ZNF563: variants seen among roughly 807,000 people sequenced by gnomAD.
The protein encoded by ZNF563 is zinc finger protein 563.
A neutral mutation model predicts 48.5 loss-of-function variants in ZNF563; 39 were observed. The ratio of observed to expected loss-of-function variants is 0.80; its 90% CI spans 0.62 to 1.05. The LOEUF (loss-of-function observed/expected upper bound fraction) is 1.05. Ranked by LOEUF, ZNF563 falls within the 50% of genes least tolerant of loss-of-function variation. ZNF563 has a pLI of 0.00. For missense variants in ZNF563, 538 were observed against 597.0 expected (o/e 0.90, Z 1.03); for synonymous variants, 168 against 187.9 (o/e 0.89, Z 0.87).
chr19:12,327,673 A>G (rs985473391), intron 1 of ZNF563, among the ~76,000 whole-genome samples: 2 of 152,144 alleles, frequency 1.3e-5, no homozygotes, highest in East Asian at 1.9e-4. Context: ...TACATAAAAA[A>G]CATTTTAAAC....
At chr19:12,337,441 G>C (rs1969032745), upstream of ZNF563, among the ~76,000 whole-genome samples, 1 of 152,232 alleles carries the variant, frequency 6.6e-6, no homozygotes, top group African/African-American at 2.4e-5. Context: ...AGACTCAGAT[G>C]ATCCACCCAC....
At chr19:12,344,610 T>C in the ZNF563 span, among the ~76,000 whole-genome samples, 1 of 152,246 alleles carries the variant, frequency 6.6e-6, no homozygotes, top group South Asian at 2.1e-4. Flanking sequence ...AACCTGTAGG[T>C]AACATGGTCA....
chr19:12,342,609 C>CA, the ZNF563 span, among the ~76,000 whole-genome samples: 1 of 150,238 alleles, frequency 6.7e-6, no homozygotes, highest in East Asian at 2.0e-4. Context: ...TCTATCGCTA[C>CA]AAAAAAAATT....
Position 12,319,592 on chromosome 19 carries a change from G to T in ZNF563, c.433C>A (p.Gln145Lys), listed in dbSNP as rs1968551043. ...TGGTAACTGAAGGCTTTCCCACGTT[G>T]TTTATGTGTATGTGGCTTCTCTCCA... ...EYGEKPHTHKQRGKAFSYHHS... is the reference protein window; with the variant it reads ...EYGEKPHTHKKRGKAFSYHHS... Residue 145 changes from glutamine (Q) to lysine (K), a missense_variant, in exon 4 of 4, where the codon CAA (glutamine) becomes AAA (lysine). Gln to Lys is a moderately conservative substitution (Grantham distance 53). Coordinates refer to ENST00000293725, the MANE Select transcript of ZNF563 (RefSeq NM_145276.3). The T allele has an allele frequency of 6.2e-7, 1 of 1,614,040 alleles. No individual in the cohort carries two copies. The highest frequency in any genetic ancestry group is 1.3e-5 in the African/African-American group (1 of 74,932).
intron 1 of ZNF563, among the ~76,000 whole-genome samples, chr19:12,326,639 CAAA>C (rs34093215): frequency 2.3e-5 from 3 of 130,868 alleles, no homozygotes. Context: ...GACTCTGTCT[CAAA>C]AAAAAAAAAA....
chr19:12,331,807 T>C lies in ZNF563; in HGVS notation c.3+1673A>G, dbSNP rs368809703. On this transcript the variant is annotated intron_variant, in intron 1 of 3. Transcript: ENST00000293725. Reference sequence around the variant, plus strand: ...CAAAGCCAGTACCAGGAAAAGATAGTGTGGGCTCAGGACTCATCAGCTGGT... The same window carrying C: ...CAAAGCCAGTACCAGGAAAAGATAGCGTGGGCTCAGGACTCATCAGCTGGT... Among the ~76,000 whole-genome samples, 118 of 152,286 alleles carry C rather than the reference T, an allele frequency of 7.7e-4. 4 individuals are homozygous for C. The South Asian group carries it at 0.024, about 30-fold the overall frequency.
Position 12,319,520 on chromosome 19 carries a change from AG to A in ZNF563, c.504del (p.Tyr169MetfsTer21). 1 of 1,614,174 alleles carries A rather than the reference AG, an allele frequency of 6.2e-7. No individual in the cohort carries two copies. The highest frequency in any genetic ancestry group is 8.5e-7 in the Non-Finnish European group (1 of 1,180,026). On this transcript the variant is annotated frameshift_variant, in exon 4 of 4. Transcript: ENST00000293725. LOFTEE classifies it high-confidence loss of function. Reference protein sequence around the residue: ...SRGRPHTGKKRYECKECGKTF... With the variant: ...SRGRPHTGKKXYECKECGKTF... The stretch of plus-strand genomic sequence containing the variant: ...GTTTTTCCACATTCCTTACACTCAT[AG>A]CGTTTCTTTCCAGTGTGAGGCCTTC...
At chr19:12,325,945 G>A (rs1446319182) in intron 1 of ZNF563, among the ~76,000 whole-genome samples, 1 of 152,196 alleles carries the variant, frequency 6.6e-6, no homozygotes, top group African/African-American at 2.4e-5. Context: ...CTAAACAAAT[G>A]AATAGTTACA....
chr19:12,328,724 G>T (rs1968853958), intron 1 of ZNF563, among the ~76,000 whole-genome samples: 1 of 151,998 alleles, frequency 6.6e-6, no homozygotes, highest in South Asian at 2.1e-4. Flanking sequence ...AGCCGAAATT[G>T]TGCCACTGTA....
the ZNF563 span, among the ~76,000 whole-genome samples, chr19:12,340,645 C>T: frequency 7.9e-5 from 12 of 152,048 alleles, no homozygotes; most frequent in African/African-American, 2.7e-4. Flanking sequence ...GGCGTGGTGG[C>T]GCAAGCCTGT....
chr19:12,344,735 G>C, the ZNF563 span, among the ~76,000 whole-genome samples: 1 of 152,006 alleles, frequency 6.6e-6, no homozygotes, highest in African/African-American at 2.4e-5. Flanking sequence ...GTAAGAAAAA[G>C]AAATAAAAGG....
chr19:12,341,820 A>T, the ZNF563 span, among the ~76,000 whole-genome samples: 3 of 152,336 alleles, frequency 2.0e-5, 1 homozygote, highest in Middle Eastern at 0.01. Context: ...AGATCAATAA[A>T]GAAATGAAAT....
rs948195444 is a variant in ZNF563, at chr19:12,317,950, T to C, written c.*644A>G. 1.6e-5 allele frequency: 3 copies of C among 192,442 alleles called. No homozygotes were observed. In the South Asian group the frequency reaches 3.7e-4, roughly 24 times the overall value. 11.9% of individuals were successfully genotyped at this position (192,442 alleles called of 1,614,324 possible). ...TATGCAAGGACCTGAGAGAACTCAA[T>C]GCTTTTCTACATTTCTTACATTCAT... is the stretch of plus-strand genomic sequence containing the variant. On this transcript the variant is annotated 3_prime_UTR_variant, in exon 4 of 4. Coordinates refer to ENST00000293725, the MANE Select transcript of ZNF563 (RefSeq NM_145276.3).
Position 12,318,732 on chromosome 19 carries a change from A to C in ZNF563, c.1293T>G (p.Ser431=), listed in dbSNP as rs750333223. The part of the protein sequence containing the change: ...YECKQCGKAL[S]HSSSFRRHMV... ...TATGTCTTCGAAAGCTTGAGCTATG[A>C]GATAACGCTTTCCCACACTGCTTGC... Residue 431 remains serine (S), a synonymous_variant, in exon 4 of 4, where the codon TCT becomes TCG. Transcript: ENST00000293725. The C allele has an allele frequency of 2.2e-5, 36 of 1,614,110 alleles. No individual in the cohort carries two copies. The highest frequency in any genetic ancestry group is 3.3e-4 in the Middle Eastern group (2 of 6,084).
intron 1 of ZNF563, among the ~76,000 whole-genome samples, chr19:12,324,230 G>A (rs1484758637): frequency 6.6e-6 from 1 of 152,038 alleles, no homozygotes; most frequent in Admixed American, 6.6e-5. Context: ...GCATGGTGGT[G>A]TGCCTGTAGT....
At chr19:12,332,925 G>T (rs189672024) in intron 1 of ZNF563, among the ~76,000 whole-genome samples, 1 of 152,170 alleles carries the variant, frequency 6.6e-6, no homozygotes, top group Non-Finnish European at 1.5e-5. Flanking sequence ...GATAGCAGTC[G>T]TTCCCCTGTG....
intron 1 of ZNF563, among the ~76,000 whole-genome samples, chr19:12,328,713 G>A (rs555616687): frequency 6.6e-6 from 1 of 152,190 alleles, no homozygotes; most frequent in South Asian, 2.1e-4. Flanking sequence ...AGGTTGCGGT[G>A]AGCCGAAATT....
At chr19:12,321,367 T>C in intron 2 of ZNF563, 35 bp from the exon 3 acceptor site, 1 of 1,376,024 alleles carries the variant, frequency 7.3e-7, no homozygotes, top group South Asian at 1.4e-5. Context: ...CTATACATTA[T>C]TAGAAAATTA....
the ZNF563 span, among the ~76,000 whole-genome samples, chr19:12,343,475 T>C: frequency 6.6e-6 from 1 of 152,096 alleles, no homozygotes; most frequent in Non-Finnish European, 1.5e-5. Context: ...CTGTCTTTAA[T>C]ATTTTTTAAA....
Sources: allele counts gnomAD v4.1 joint callset (sites outside exome capture counted in the v4.1 genomes callset), GRCh38; gene constraint gnomAD v4.1.1; transcripts MANE v1.5; gene names NCBI Gene and HGNC (gene_info 2026-07-23, HGNC 2026-07-21).